ADGB: variants seen among roughly 807,000 people sequenced by gnomAD.
The protein encoded by ADGB is calpain-7-like protein.
A neutral mutation model predicts 210.5 loss-of-function variants in ADGB; 172 were observed. The ratio of observed to expected loss-of-function variants is 0.82; its 90% CI spans 0.72 to 0.93. The LOEUF (loss-of-function observed/expected upper bound fraction) is 0.93. Ranked by LOEUF, ADGB falls within the 40% of genes least tolerant of loss-of-function variation. The probability of loss-of-function intolerance (pLI) is 0.00; values close to 1 mark genes in which losing one functional copy is unlikely to be tolerated. For missense variants in ADGB, 2,025 were observed against 1,964.8 expected, an observed-to-expected ratio of 1.03 and a Z score of -0.58; for synonymous variants, 658 against 662.7, an observed-to-expected ratio of 0.99 and a Z score of 0.11.
rs1223786833 is a variant in ADGB, at chr6:146,801,816, T to G, written c.4635-12T>G. ...AATGAAATCTGTATCTTTTGATGAC[T>G]TTTGTATCAAGGAAAACAGATACAG... On this transcript the variant is annotated splice_polypyrimidine_tract_variant and intron_variant, in intron 34 of 35. Coordinates refer to ENST00000397944, the MANE Select transcript of ADGB (RefSeq NM_024694.4). 3 of 1,532,330 alleles carry G rather than the reference T, an allele frequency of 2.0e-6. No individual in the cohort carries two copies. The highest frequency in any genetic ancestry group is 2.6e-6 in the Non-Finnish European group (3 of 1,137,566). 94.9% of individuals were successfully genotyped at this position (1,532,330 alleles called of 1,614,324 possible). A position where few individuals can be genotyped will look rare whatever the true frequency, so the allele number is the denominator to read the frequency against.
At chr6:146,731,264 C>T (rs1434326513) in intron 20 of ADGB, among the ~76,000 whole-genome samples, 3 of 151,998 alleles carry the variant, frequency 2.0e-5, no homozygotes, top group Non-Finnish European at 4.4e-5. Context: ...TGATAGTGCC[C>T]CCACCCTTAA....
At chr6:146,642,870 T>G (rs1432660482) in intron 2 of ADGB, among the ~76,000 whole-genome samples, 2 of 151,874 alleles carry the variant, frequency 1.3e-5, no homozygotes, top group Non-Finnish European at 2.9e-5. Context: ...GACATGAGTT[T>G]ACCTGTGTAA....
chr6:146,715,852 G>A (rs975325429), intron 14 of ADGB, among the ~76,000 whole-genome samples: 6 of 151,798 alleles, frequency 4.0e-5, no homozygotes, highest in African/African-American at 1.2e-4. Context: ...GGCAGATCAC[G>A]AAGTCAGTAG....
chr6:146,769,194 T>A, intron 29 of ADGB, 63 bp downstream of exon 29: 1 of 767,756 alleles, frequency 1.3e-6, no homozygotes, highest in Non-Finnish European at 2.1e-6. Context: ...TTTAAATATT[T>A]AATAATAAAT....
At chr6:146,644,096 A>T (rs1041263909) in intron 2 of ADGB, among the ~76,000 whole-genome samples, 5 of 151,758 alleles carry the variant, frequency 3.3e-5, no homozygotes, top group South Asian at 2.1e-4. Flanking sequence ...AAAGCATAGG[A>T]ATGGTACTTG....
intron 3 of ADGB, among the ~76,000 whole-genome samples, chr6:146,649,561 T>C (rs1562264386): frequency 6.6e-6 from 1 of 151,640 alleles, no homozygotes; most frequent in South Asian, 2.1e-4. Flanking sequence ...CATGATCACA[T>C]CTCATGGCAG....
At chr6:146,728,838 A>C in intron 20 of ADGB, 97 bp downstream of exon 20, 1 of 1,023,030 alleles carries the variant, frequency 9.8e-7, no homozygotes. Context: ...AGCCAGAGAA[A>C]ATATTTTGGA....
intron 4 of ADGB, among the ~76,000 whole-genome samples, chr6:146,655,003 T>C (rs1028380564): frequency 6.6e-6 from 1 of 152,180 alleles, no homozygotes; most frequent in Non-Finnish European, 1.5e-5. Flanking sequence ...TTTCTCTATC[T>C]GTTTCTCAGA....
chr6:146,611,635 C>T (rs1339891503), intron 1 of ADGB, among the ~76,000 whole-genome samples: 3 of 152,108 alleles, frequency 2.0e-5, no homozygotes, highest in Non-Finnish European at 2.9e-5. Context: ...GTAGGGTCCC[C>T]GGCTTCCACC....
At chr6:146,715,189 A>G (rs958014431) in intron 13 of ADGB, among the ~76,000 whole-genome samples, 193 bp from the exon 14 acceptor site, 3 of 152,250 alleles carry the variant, frequency 2.0e-5, no homozygotes, top group South Asian at 4.1e-4. Flanking sequence ...TACTCAGTCA[A>G]TTGTTTAATT....
intron 2 of ADGB, among the ~76,000 whole-genome samples, chr6:146,642,779 AAG>A (rs149311945): frequency 0.01 from 1,545 of 151,970 alleles, 20 homozygotes; most frequent in African/African-American, 0.032. Flanking sequence ...GCTGGGAAGA[AAG>A]AGAGGAGCAG....
At chr6:146,790,640 G>C (rs971893382) in intron 33 of ADGB, among the ~76,000 whole-genome samples, 1 of 152,126 alleles carries the variant, frequency 6.6e-6, no homozygotes, top group Non-Finnish European at 1.5e-5. Context: ...TGTGAATAAC[G>C]TAATGCACAT....
intron 35 of ADGB, among the ~76,000 whole-genome samples, chr6:146,809,332 G>A (rs1778265410): frequency 6.6e-6 from 1 of 152,166 alleles, no homozygotes; most frequent in Non-Finnish European, 1.5e-5. Flanking sequence ...TCAGACTCCT[G>A]AATAGCTGGG....
chr6:146,613,159 C>T (rs1780737322), intron 1 of ADGB, among the ~76,000 whole-genome samples: 1 of 152,100 alleles, frequency 6.6e-6, no homozygotes, highest in Non-Finnish European at 1.5e-5. Flanking sequence ...TTTGCATTTA[C>T]TCAAGCACGA....
At chr6:146,668,276 T>C (rs1263877600) in intron 7 of ADGB, among the ~76,000 whole-genome samples, 2 of 152,068 alleles carry the variant, frequency 1.3e-5, no homozygotes, top group Non-Finnish European at 2.9e-5. Flanking sequence ...GGACCATCTC[T>C]GATCTTTGAC....
At chr6:146,640,729 T>G (rs1335171407) in intron 2 of ADGB, among the ~76,000 whole-genome samples, 1 of 151,988 alleles carries the variant, frequency 6.6e-6, no homozygotes, top group African/African-American at 2.4e-5. Context: ...TGTAAAAACC[T>G]CTTAATAAAC....
Position 146,717,562 on chromosome 6 carries a change from G to A in ADGB, c.1955G>A (p.Ser652Asn), listed in dbSNP as rs763364872. The A allele has an allele frequency of 1.2e-4, 174 of 1,408,046 alleles. No homozygotes were observed. The highest frequency in any genetic ancestry group is 2.5e-4 in the Admixed American group (11 of 44,242). The allele number at this position is 1,408,046 out of a possible 1,614,324, so 87.2% of individuals were successfully genotyped here. Residue 652 changes from serine to asparagine, a missense_variant, in exon 16 of 36, where the codon AGT (serine) becomes AAT (asparagine). Physicochemically the swap from Ser to Asn is conservative, Grantham distance 46. Transcript: ENST00000397944. Reference protein sequence around the residue: ...FQNIYIFHKPSSYCLNFQKSE... With the variant: ...FQNIYIFHKPNSYCLNFQKSE... Reference sequence around the variant, plus strand: ...AATATATATATTTTCCACAAGCCAAGTTCATATTGCCTTAACTTTCAAAAA... The same window carrying A: ...AATATATATATTTTCCACAAGCCAAATTCATATTGCCTTAACTTTCAAAAA...
chr6:146,704,391 C>A (rs577923386), intron 13 of ADGB, among the ~76,000 whole-genome samples: 2 of 151,978 alleles, frequency 1.3e-5, no homozygotes, highest in East Asian at 3.9e-4. Flanking sequence ...AGGCCAAGTT[C>A]TTGGAGCTTA....
chr6:146,721,347 A>T lies in ADGB; in HGVS notation c.1993-56A>T, dbSNP rs963542406. Reference sequence around the variant, plus strand: ...TATACTATGTTTTCATTAGAAGTGAAATAATAGCATTGATGAACTGATATT... The same window carrying T: ...TATACTATGTTTTCATTAGAAGTGATATAATAGCATTGATGAACTGATATT... On this transcript the variant is annotated intron_variant, in intron 16 of 35. Coordinates refer to ENST00000397944, the MANE Select transcript of ADGB (RefSeq NM_024694.4). 34 of 1,126,298 alleles carry T rather than the reference A, an allele frequency of 3.0e-5. 1 individual carries two copies. In the South Asian group the frequency reaches 4.3e-4, roughly 14 times the overall value. 69.8% of individuals were successfully genotyped at this position (1,126,298 alleles called of 1,614,324 possible). A position where few individuals can be genotyped will look rare whatever the true frequency, so the allele number is the denominator to read the frequency against.
Sources: allele counts gnomAD v4.1 joint callset (sites outside exome capture counted in the v4.1 genomes callset), GRCh38; gene constraint gnomAD v4.1.1; transcripts MANE v1.5; gene names NCBI Gene and HGNC (gene_info 2026-07-23, HGNC 2026-07-21).